PXDN: variants seen among roughly 807,000 people sequenced by gnomAD.
PXDN encodes peroxidasin homolog.
PXDN carries 77 observed loss-of-function variants against 140.3 expected under a neutral mutation model. That is an observed-to-expected ratio of 0.55 (90% CI 0.46 to 0.66). The LOEUF is 0.66. PXDN is among the 30% of genes least tolerant of loss of function. PXDN has a pLI of 0.00. For missense variants in PXDN, 1,838 were observed against 2,039.5 expected (o/e 0.90, Z 1.90); for synonymous variants, 911 against 857.4 (o/e 1.06, Z -1.09).
Position 1,661,743 on chromosome 2 carries a change from T to C in PXDN, c.1680+329A>G, listed in dbSNP as rs545008081. ...CCCTTCCTTATTGATGATGAGACCA[T>C]AGTTCTATAAGAGGGTTTTTCTTTG... On this transcript the variant is annotated intron_variant, in intron 13 of 22. Coordinates refer to ENST00000252804, the MANE Select transcript of PXDN (RefSeq NM_012293.3). Among the ~76,000 whole-genome samples, 7 of 152,296 alleles carry C rather than the reference T, an allele frequency of 4.6e-5. No homozygotes were observed. In the South Asian group the frequency reaches 8.3e-4, roughly 18 times the overall value.
chr2:1,692,387 A>C (rs897686854), intron 2 of PXDN: 1 of 408,466 alleles, frequency 2.4e-6, no homozygotes, highest in Non-Finnish European at 5.0e-6. Context: ...ACGTGCCAGG[A>C]AAGGTGGGCC....
At chr2:1,681,448 C>T (rs566157056) in intron 6 of PXDN, among the ~76,000 whole-genome samples, 1 of 152,274 alleles carries the variant, frequency 6.6e-6, no homozygotes, top group African/African-American at 2.4e-5. Context: ...GACGTGCTCA[C>T]TATTAACCCT....
chr2:1,707,095 A>G (rs1294008614), intron 1 of PXDN, among the ~76,000 whole-genome samples: 9 of 64,794 alleles, frequency 1.4e-4, no homozygotes, highest in African/African-American at 2.2e-4. Flanking sequence ...TATACAATCT[A>G]AGAGCACGCT....
intron 7 of PXDN, among the ~76,000 whole-genome samples, chr2:1,677,462 G>A (rs937191594): frequency 6.6e-6 from 1 of 152,236 alleles, no homozygotes; most frequent in African/African-American, 2.4e-5. Context: ...GCCTCTAAAA[G>A]CACAGGCAGG....
intron 1 of PXDN, among the ~76,000 whole-genome samples, chr2:1,719,787 G>C (rs1339765886): frequency 1.3e-5 from 2 of 151,352 alleles, no homozygotes; most frequent in African/African-American, 2.4e-5. Flanking sequence ...GATTGGTCAG[G>C]GTTCTCCAGA....
rs753108246 is a variant in PXDN at position 1,666,223 on chromosome 2, T to C, written c.1282A>G (p.Ile428Val). Residue 428 changes from isoleucine to valine, a missense_variant, in exon 10 of 23, where the codon ATC (isoleucine) becomes GTC (valine). Physicochemically the swap from Ile to Val is conservative, Grantham distance 29 (BLOSUM62 3). Around this residue, in one of 5 missense-constraint regions of PXDN, gnomAD observed 537 missense variants for 583.9 expected, o/e 0.92. Coordinates refer to ENST00000252804, the MANE Select transcript of PXDN (RefSeq NM_012293.3). ...IDSVHATAFI[I>V]VQALPQFTVT... ...GAGGATGGATACCCACCCTGGACGA[T>C]GATGAAAGCGGTGGCATGGACGCTG... 1.2e-6 allele frequency: 2 copies of C among 1,613,762 alleles called. No individual in the cohort carries two copies. Among genetic ancestry groups the C allele is most frequent in the South Asian group, 1.1e-5 (1 of 91,070 alleles).
At chr2:1,678,571 T>G (rs776607308) in intron 7 of PXDN, among the ~76,000 whole-genome samples, 1 of 152,226 alleles carries the variant, frequency 6.6e-6, no homozygotes, top group Non-Finnish European at 1.5e-5. Context: ...CGGAAGGCCA[T>G]GAGTCGGTTT....
intron 1 of PXDN, among the ~76,000 whole-genome samples, chr2:1,696,966 C>T (rs1684313357): frequency 6.6e-6 from 1 of 152,176 alleles, no homozygotes; most frequent in Non-Finnish European, 1.5e-5. Flanking sequence ...AAGACAAATA[C>T]AAGGGCTGAT....
intron 1 of PXDN, among the ~76,000 whole-genome samples, chr2:1,741,196 CA>C (rs1685535681): frequency 6.6e-6 from 1 of 152,080 alleles, no homozygotes; most frequent in Non-Finnish European, 1.5e-5. Flanking sequence ...GTGACCTCCC[CA>C]AAAAGCCTGG....
rs1269936052 is a variant in PXDN, at chr2:1,677,043, T to C, written c.732A>G (p.Glu244=). Residue 244 remains glutamate (E), a splice_region_variant and synonymous_variant, in exon 8 of 23, where the codon GAA becomes GAG. Coordinates refer to ENST00000252804, the MANE Select transcript of PXDN (RefSeq NM_012293.3). ...ATITPEELNC[E]RPRITSEPQD... ...GGGGCTCGGAGGTGATCCGGGGCCT[T>C]TCTGTGCCCAACCAGAAAATGGAAA... is the stretch of plus-strand genomic sequence containing the variant. 1.9e-6 allele frequency: 3 copies of C among 1,592,804 alleles called. No homozygotes were observed. Among genetic ancestry groups the C allele is most frequent in the Non-Finnish European group, 2.6e-6 (3 of 1,166,562 alleles).
intron 15 of PXDN, 100 bp from the exon 16 acceptor site, chr2:1,653,885 C>T (rs746984823): frequency 7.6e-5 from 101 of 1,326,742 alleles, no homozygotes; most frequent in Non-Finnish European, 9.9e-5. Flanking sequence ...AATATTTCTA[C>T]GGCTACTTTC....
At chr2:1,692,542 G>T in intron 2 of PXDN, 1 of 471,890 alleles carries the variant, frequency 2.1e-6, no homozygotes, top group Non-Finnish European at 4.4e-6. Context: ...GTTGTGCTCA[G>T]TCCTGGTGCA....
chr2:1,641,388 G>A (rs929653563), intron 19 of PXDN, among the ~76,000 whole-genome samples: 9 of 152,144 alleles, frequency 5.9e-5, no homozygotes, highest in Admixed American at 1.3e-4. Context: ...AACCTCAGGT[G>A]ATCCACCTGC....
intron 1 of PXDN, among the ~76,000 whole-genome samples, chr2:1,710,560 T>C (rs1684730227): frequency 7.8e-6 from 1 of 128,860 alleles, no homozygotes; most frequent in African/African-American, 3.1e-5. Context: ...GCACCCACTC[T>C]CCACCAGCAC....
intron 2 of PXDN, chr2:1,692,511 C>T (rs1407834267): frequency 2.1e-6 from 1 of 471,596 alleles, no homozygotes; most frequent in Non-Finnish European, 4.4e-6. Flanking sequence ...CCCACAGTCC[C>T]CATGACCCTG....
intron 1 of PXDN, among the ~76,000 whole-genome samples, chr2:1,704,668 G>C (rs1684546783): frequency 1.5e-5 from 2 of 134,194 alleles, no homozygotes; most frequent in South Asian, 2.8e-4. Context: ...GGTGAAGGGG[G>C]GGCAACTCCA....
At chr2:1,735,512 A>C (rs1475312911) in intron 1 of PXDN, among the ~76,000 whole-genome samples, 1 of 152,210 alleles carries the variant, frequency 6.6e-6, no homozygotes, top group Non-Finnish European at 1.5e-5. Flanking sequence ...TCTCCATCAG[A>C]GCTCTTGGGT....
In PXDN at chr2:1,673,813, CT is replaced by C; in HGVS notation, c.849-2del. 1 of 1,613,938 alleles carries C rather than the reference CT, an allele frequency of 6.2e-7. No homozygotes were observed. Among genetic ancestry groups the C allele is most frequent in the Non-Finnish European group, 8.5e-7 (1 of 1,179,816 alleles). ...ATCTGTCTTCATGCTCAGCTCATTA[CT>C]ACAAAGACAGAAATATGGTCTGGTC... On this transcript the variant is annotated splice_acceptor_variant, in intron 8 of 22. Transcript: ENST00000252804. LOFTEE classifies it high-confidence loss of function.
Position 1,648,390 on chromosome 2 carries a change from C to T in PXDN, c.3390G>A (p.Val1130=). ...GLFGVAGKMR[V]PSQLLNTELT... is the part of the protein sequence containing the mutation. ...GCTCCGTGTTCAGCAGCTGCGAGGG[C>T]ACACGCATTTTCCCCGCCACCCCGA... The change falls in exon 17 of 23, where the codon GTG becomes GTA. Residue 1130 remains valine (V), a synonymous_variant. Transcript: ENST00000252804. This position sits in a 1 kb window ranked among gnomAD's most constrained non-coding sequence, Gnocchi z 8.9. 1.2e-6 allele frequency: 2 copies of T among 1,612,772 alleles called. No individual in the cohort carries two copies. Among genetic ancestry groups the T allele is most frequent in the South Asian group, 1.1e-5 (1 of 91,080 alleles).
Sources: allele counts gnomAD v4.1 joint callset (sites outside exome capture counted in the v4.1 genomes callset), GRCh38; gene constraint gnomAD v4.1.1; regional missense constraint gnomAD v4.1.1; non-coding constraint Gnocchi (gnomAD v3.1); transcripts MANE v1.5; gene names NCBI Gene and HGNC (gene_info 2026-07-23, HGNC 2026-07-21).